The following ATM variants were observed in gnomAD, a reference collection of about 807,000 sequenced individuals.
The protein encoded by ATM is ATM serine/threonine kinase.
Under a neutral mutation model 387.0 loss-of-function variants are expected in ATM, and 308 were observed. That is an observed-to-expected ratio of 0.80 (90% CI 0.73 to 0.87). ATM has a LOEUF of 0.87. Among genes scored for constraint, ATM ranks in the 40% least tolerant of loss-of-function variants. The pLI is 0.00. For synonymous variants in ATM, 1,156 were observed against 1,187.3 expected (o/e 0.97, Z 0.54); for missense variants, 3,312 against 3,560.9 (o/e 0.93, Z 1.78).
chr11:108,289,378 T>G (rs958399013), intron 28 of ATM, among the ~76,000 whole-genome samples: 2 of 152,206 alleles, frequency 1.3e-5, no homozygotes, highest in African/African-American at 4.8e-5. Flanking sequence ...TTAATTGTAG[T>G]TTACTTTCTG....
At chr11:108,259,878 T>C (rs1363517315) in intron 16 of ATM, among the ~76,000 whole-genome samples, 1 of 152,208 alleles carries the variant, frequency 6.6e-6, no homozygotes, top group Non-Finnish European at 1.5e-5. Context: ...CTGTAACTTA[T>C]TTCCATTTTA....
intron 61 of ATM, among the ~76,000 whole-genome samples, chr11:108,358,892 G>A (rs969238917): frequency 5.3e-5 from 8 of 151,008 alleles, no homozygotes; most frequent in East Asian, 1.9e-4. Flanking sequence ...ATCAACTAAC[G>A]AACAAAATCA....
intron 4 of ATM, among the ~76,000 whole-genome samples, chr11:108,232,134 G>T (rs1019057035): frequency 1.3e-5 from 2 of 152,206 alleles, no homozygotes; most frequent in African/African-American, 4.8e-5. Flanking sequence ...CATTAACAAT[G>T]GAGATTACGT....
intron 5 of ATM, among the ~76,000 whole-genome samples, chr11:108,243,557 G>A (rs2079672142): frequency 6.6e-6 from 1 of 152,130 alleles, no homozygotes; most frequent in South Asian, 2.1e-4. Context: ...AGGTTGCAGT[G>A]AGCCAAGATT....
chr11:108,282,065 A>G (rs2082262871), intron 24 of ATM, among the ~76,000 whole-genome samples: 1 of 151,968 alleles, frequency 6.6e-6, no homozygotes, highest in African/African-American at 2.4e-5. Context: ...TCCTGGGCTC[A>G]AGCGATCCTC....
intron 4 of ATM, chr11:108,230,618 A>G (rs1287293252): frequency 6.6e-6 from 1 of 152,148 alleles, no homozygotes; most frequent in East Asian, 1.9e-4. Context: ...TCTCCTCTGA[A>G]TATTCTTCAC....
At chr11:108,248,659 C>T (rs1403232938) in intron 8 of ATM, among the ~76,000 whole-genome samples, 1 of 152,008 alleles carries the variant, frequency 6.6e-6, no homozygotes, top group African/African-American at 2.4e-5. Context: ...GAGGCCAAGG[C>T]GGGCAGATCA....
rs4988044 is a variant in ATM, at chr11:108,304,383, T to C, written c.5497-292T>C. 5.6e-3 allele frequency among the ~76,000 whole-genome samples: 853 copies of C among 152,336 alleles called. 28 individuals carry two copies. The East Asian group carries it at 0.1, about 18-fold the overall frequency. On this transcript the variant is annotated intron_variant, in intron 36 of 62. Coordinates refer to ENST00000675843, the MANE Select transcript of ATM (RefSeq NM_000051.4). ...TTTAAAGTGGTGATATAATTTCATT[T>C]GTAAGCAATATTCTGTTTCATTATG...
At chr11:108,275,632 G>T (rs895723102) in intron 22 of ATM, among the ~76,000 whole-genome samples, 9 of 152,142 alleles carry the variant, frequency 5.9e-5, no homozygotes, top group Admixed American at 5.2e-4. Flanking sequence ...GCTTAGTTTG[G>T]CTGGATATGA....
At chr11:108,336,139 G>GA in intron 56 of ATM, 178 bp downstream of exon 56, 1 of 405,166 alleles carries the variant, frequency 2.5e-6, no homozygotes, top group Non-Finnish European at 4.5e-6. Context: ...TTGACAAAAA[G>GA]TTAAAAAAAA....
intron 4 of ATM, among the ~76,000 whole-genome samples, chr11:108,232,530 T>C (rs1372613799): frequency 0.018 from 252 of 14,110 alleles, 8 homozygotes; most frequent in African/African-American, 0.13. Context: ...TTCTCTCCTT[T>C]TTTTTTTTTT....
At position 108,267,359 on chromosome 11, in the gene ATM, T is replaced by C; in HGVS notation, c.2638+17T>C. The C allele has an allele frequency of 6.2e-7, 1 of 1,611,740 alleles. No homozygotes were observed. The highest frequency in any genetic ancestry group is 8.5e-7 in the Non-Finnish European group (1 of 1,177,934). ...GTACCATAGGTAAATACATATTTAC[T>C]ACTTGGGATTTCTTTTACTTCTTTA... On this transcript the variant is annotated intron_variant, in intron 17 of 62. Transcript: ENST00000675843.
chr11:108,339,670 T>A (rs2087277556), intron 56 of ATM, among the ~76,000 whole-genome samples: 1 of 152,102 alleles, frequency 6.6e-6, no homozygotes, highest in African/African-American at 2.4e-5. Context: ...GACTCTAAGC[T>A]GAGGTAGAAA....
Position 108,325,292 on chromosome 11 carries a change from CTA to C in ATM, c.6573-16_6573-15del, listed in dbSNP as rs1064794351. 1.3e-5 allele frequency: 12 copies of C among 935,108 alleles called. No individual in the cohort carries two copies. The highest frequency in any genetic ancestry group is 4.0e-5 in the Admixed American group (2 of 50,116). The allele number at this position is 935,108 out of a possible 1,614,324, so 57.9% of individuals were successfully genotyped here. On this transcript the variant is annotated splice_polypyrimidine_tract_variant and intron_variant, in intron 45 of 62. Transcript: ENST00000675843. ...TTCATTTCTCTTGCTTACATGAACT[CTA>C]TGTCGTGGCATTCAGATCAGTCACA...
rs377224030 is a variant in ATM, at chr11:108,301,525, G to A, written c.5178-123G>A. 1.1e-4 allele frequency: 129 copies of A among 1,203,676 alleles called. 2 individuals are homozygous for A. The South Asian group carries it at 1.6e-3, about 15-fold the overall frequency. 74.6% of individuals were successfully genotyped at this position (1,203,676 alleles called of 1,614,324 possible). ...CTTTTATTTGATATTGGAGAATTTT[G>A]TAAATGTAAAGTTTCCTAATACAAA... On this transcript the variant is annotated intron_variant, in intron 34 of 62. Coordinates refer to ENST00000675843, the MANE Select transcript of ATM (RefSeq NM_000051.4).
At chr11:108,293,570 C>A (rs1056099181) in intron 31 of ATM, 93 bp downstream of exon 31, 2 of 1,156,156 alleles carry the variant, frequency 1.7e-6, no homozygotes, top group East Asian at 2.4e-5. Context: ...AAAATGGAAT[C>A]TTTTCTTTAA....
At chr11:108,335,765 C>A in intron 55 of ATM, 80 bp from the exon 56 acceptor site, 1 of 1,102,032 alleles carries the variant, frequency 9.1e-7, no homozygotes, top group African/African-American at 1.6e-5. Context: ...GTTTGAGTGC[C>A]CTTTGCTATT....
intron 51 of ATM, 129 bp from the exon 52 acceptor site, chr11:108,331,750 T>A: frequency 7.7e-7 from 1 of 1,298,646 alleles, no homozygotes; most frequent in South Asian, 1.4e-5. Context: ...TTCTCACACA[T>A]GCAGGCATAC....
In ATM at chr11:108,303,461, A is replaced by G. The variant is rs539022896; in HGVS notation, c.5496+432A>G. 3.3e-5 allele frequency among the ~76,000 whole-genome samples: 5 copies of G among 152,274 alleles called. No individual in the cohort carries two copies. In the East Asian group the frequency reaches 9.6e-4, roughly 29 times the overall value. Reference sequence around the variant, plus strand: ...TTATCTCAACGAAGAGTAAAGGTACATACCAAATGAAACAAAGTTTGTACT... The same window carrying G: ...TTATCTCAACGAAGAGTAAAGGTACGTACCAAATGAAACAAAGTTTGTACT... On this transcript the variant is annotated intron_variant, in intron 36 of 62. Transcript: ENST00000675843.
Sources: gnomAD v4.1 joint callset for allele counts (sites outside exome capture counted in the v4.1 genomes callset) on GRCh38, gnomAD v4.1.1 for gene constraint, MANE v1.5 for transcripts, NCBI Gene and HGNC (gene_info 2026-07-23, HGNC 2026-07-21) for gene names.